KCND2: variants seen among roughly 807,000 people sequenced by gnomAD.
KCND2 encodes the protein A-type voltage-gated potassium channel KCND2.
KCND2 carries 16 observed loss-of-function variants against 54.4 expected under a neutral mutation model. That is an observed-to-expected ratio of 0.29 (90% CI 0.20 to 0.45). The LOEUF (loss-of-function observed/expected upper bound fraction) is 0.45. KCND2 is among the 20% of genes least tolerant of loss of function. The pLI is 1.00. For synonymous variants in KCND2, 317 were observed against 310.7 expected, an observed-to-expected ratio of 1.02 and a Z score of -0.21; for missense variants, 486 against 824.2, an observed-to-expected ratio of 0.59 and a Z score of 5.02.
chr7:120,676,875 C>G (rs1010356027), intron 1 of KCND2, among the ~76,000 whole-genome samples: 1 of 152,158 alleles, frequency 6.6e-6, no homozygotes, highest in Admixed American at 6.5e-5. Flanking sequence ...TAGCCACAAT[C>G]TACATAAGAA....
At chr7:120,491,856 T>G (rs1178558775) in intron 1 of KCND2, among the ~76,000 whole-genome samples, 1 of 148,582 alleles carries the variant, frequency 6.7e-6, no homozygotes, top group Admixed American at 6.6e-5. Context: ...ATCTAGCAAT[T>G]GTGGTTTGTT....
chr7:120,712,147 T>G (rs1792546660), intron 1 of KCND2, among the ~76,000 whole-genome samples: 1 of 145,434 alleles, frequency 6.9e-6, no homozygotes, highest in Non-Finnish European at 1.5e-5. Context: ...TTTTTTTTTG[T>G]CGTGGTACGT....
chr7:120,386,902 T>C (rs1387977623), intron 1 of KCND2, among the ~76,000 whole-genome samples: 1 of 152,128 alleles, frequency 6.6e-6, no homozygotes, highest in African/African-American at 2.4e-5. Flanking sequence ...AGTTAAAGGA[T>C]GTTTCTGTCC....
intron 1 of KCND2, among the ~76,000 whole-genome samples, chr7:120,507,531 T>C (rs1335784988): frequency 6.6e-6 from 1 of 151,972 alleles, no homozygotes; most frequent in Non-Finnish European, 1.5e-5. Context: ...TAAATTTTCC[T>C]TATGGAATGT....
At chr7:120,338,452 C>T (rs527280309) in intron 1 of KCND2, among the ~76,000 whole-genome samples, 35 of 151,922 alleles carry the variant, frequency 2.3e-4, no homozygotes, top group Non-Finnish European at 4.1e-4. Context: ...TTTTTGCTTC[C>T]ATTCTTCAAC....
chr7:120,326,475 A>G (rs1392548126), intron 1 of KCND2, among the ~76,000 whole-genome samples: 1 of 152,128 alleles, frequency 6.6e-6, no homozygotes, highest in Admixed American at 6.6e-5. Context: ...CAATATGCAT[A>G]GATGTGTGTA....
intron 1 of KCND2, among the ~76,000 whole-genome samples, chr7:120,573,865 T>C (rs928929084): frequency 1.3e-5 from 2 of 152,168 alleles, no homozygotes; most frequent in African/African-American, 4.8e-5. Flanking sequence ...GTTGAGAAGT[T>C]ATTCTCAAAT....
chr7:120,538,495 G>A (rs1791939313), intron 1 of KCND2, among the ~76,000 whole-genome samples: 1 of 152,226 alleles, frequency 6.6e-6, no homozygotes, highest in African/African-American at 2.4e-5. Context: ...AAGCTGCATG[G>A]TCATGGTGGG....
At chr7:120,703,781 A>T (rs546333945) in intron 1 of KCND2, among the ~76,000 whole-genome samples, 32 of 152,326 alleles carry the variant, frequency 2.1e-4, no homozygotes, top group Admixed American at 1.5e-3. Flanking sequence ...AGTAGGTCAG[A>T]CAGGACTTCC....
chr7:120,602,423 A>G (rs1008121868), intron 1 of KCND2, among the ~76,000 whole-genome samples: 2 of 152,098 alleles, frequency 1.3e-5, no homozygotes, highest in African/African-American at 4.8e-5. Context: ...TCTATTCAAT[A>G]TGCCTGGACA....
At chr7:120,349,685 C>G (rs556433801) in intron 1 of KCND2, among the ~76,000 whole-genome samples, 1 of 152,240 alleles carries the variant, frequency 6.6e-6, no homozygotes, top group Admixed American at 6.5e-5. Context: ...ATTCATTACA[C>G]AAATGTTTTT....
intron 1 of KCND2, among the ~76,000 whole-genome samples, chr7:120,488,635 C>T (rs1307551092): frequency 6.6e-6 from 1 of 151,940 alleles, no homozygotes; most frequent in African/African-American, 2.4e-5. Context: ...CTTTTGTGGC[C>T]CCTCACAGGC....
At chr7:120,616,070 C>T (rs993183588) in intron 1 of KCND2, among the ~76,000 whole-genome samples, 5 of 151,790 alleles carry the variant, frequency 3.3e-5, no homozygotes, top group East Asian at 3.9e-4. Context: ...AGGTCATGAA[C>T]GCATATTTTT....
intron 1 of KCND2, among the ~76,000 whole-genome samples, chr7:120,455,828 G>A: frequency 6.6e-6 from 1 of 152,088 alleles, no homozygotes; most frequent in Non-Finnish European, 1.5e-5. Flanking sequence ...AGGGTGGGAG[G>A]AAGGAGAGGA....
At chr7:120,419,770 A>G (rs1472754938) in intron 1 of KCND2, among the ~76,000 whole-genome samples, 1 of 152,122 alleles carries the variant, frequency 6.6e-6, no homozygotes, top group Non-Finnish European at 1.5e-5. Flanking sequence ...ATAAAAACCA[A>G]AAACACGATA....
Position 120,650,236 on chromosome 7 carries a change from G to A in KCND2, c.1116-82667G>A, listed in dbSNP as rs1482650359. On this transcript the variant is annotated intron_variant, in intron 1 of 5. Transcript: ENST00000331113. Reference sequence around the variant, plus strand: ...TTTCCAACTTGGTTCCATTCTCCCCGTCACTTTCAGGTACACCAATCAGCT... The same window carrying A: ...TTTCCAACTTGGTTCCATTCTCCCCATCACTTTCAGGTACACCAATCAGCT... 2.9e-5 allele frequency among the ~76,000 whole-genome samples: 4 copies of A among 138,390 alleles called. 1 individual carries two copies. Among genetic ancestry groups the A allele is most frequent in the East Asian group, 3.9e-4 (2 of 5,144 alleles). The allele number at this position is 138,390 out of a possible 152,430, so 90.8% of individuals were successfully genotyped here. A position where few individuals can be genotyped will look rare whatever the true frequency, so the allele number is the denominator to read the frequency against.
At chr7:120,689,344 T>G (rs1413663631) in intron 1 of KCND2, among the ~76,000 whole-genome samples, 1 of 152,230 alleles carries the variant, frequency 6.6e-6, no homozygotes, top group African/African-American at 2.4e-5. Context: ...AATACAAATT[T>G]TATTTTTTTA....
At chr7:120,323,165 G>C (rs139624726) in intron 1 of KCND2, among the ~76,000 whole-genome samples, 9 of 151,924 alleles carry the variant, frequency 5.9e-5, no homozygotes, top group Non-Finnish European at 1.3e-4. Flanking sequence ...ACCCCCGACA[G>C]GCCCTGGTGT....
At chr7:120,531,495 C>T (rs1225625171) in intron 1 of KCND2, among the ~76,000 whole-genome samples, 1 of 152,096 alleles carries the variant, frequency 6.6e-6, no homozygotes, top group Admixed American at 6.6e-5. Context: ...CTTTCTGTAA[C>T]ACTCCCCATC....
Sources: gnomAD v4.1 joint callset for allele counts (sites outside exome capture counted in the v4.1 genomes callset) on GRCh38, gnomAD v4.1.1 for gene constraint, MANE v1.5 for transcripts, NCBI Gene and HGNC (gene_info 2026-07-23, HGNC 2026-07-21) for gene names.